Variants in MEIS2 observed in about 807,000 individuals in gnomAD.
MEIS2 encodes the protein homeobox protein Meis2.
A neutral mutation model predicts 58.6 loss-of-function variants in MEIS2; 9 were observed. The observed-to-expected ratio is 0.15, with a 90% confidence interval of 0.09 to 0.27. The LOEUF (loss-of-function observed/expected upper bound fraction) is 0.27, where lower values mean the gene tolerates loss of function less well. MEIS2 is among the 10% of genes least tolerant of loss of function. The pLI is 1.00. For synonymous variants in MEIS2, 221 were observed against 228.4 expected, an observed-to-expected ratio of 0.97 and a Z score of 0.29; for missense variants, 427 against 635.0, an observed-to-expected ratio of 0.67 and a Z score of 3.52.
chr15:36,919,404 C>A (rs2057403951), intron 9 of MEIS2, among the ~76,000 whole-genome samples: 1 of 151,964 alleles, frequency 6.6e-6, no homozygotes, highest in African/African-American at 2.4e-5. Context: ...CATGGAGAAA[C>A]CCTGTCTCTA....
At chr15:36,988,938 C>T (rs1408020409) in intron 8 of MEIS2, among the ~76,000 whole-genome samples, 1 of 152,030 alleles carries the variant, frequency 6.6e-6, no homozygotes, top group Non-Finnish European at 1.5e-5. Flanking sequence ...GAAAATCTTG[C>T]ATTAAGAAAT....
intron 7 of MEIS2, among the ~76,000 whole-genome samples, chr15:37,055,571 T>C (rs947241912): frequency 6.6e-6 from 1 of 152,118 alleles, no homozygotes; most frequent in African/African-American, 2.4e-5. Flanking sequence ...AGCAGTAAAA[T>C]TGATTCATCT....
intron 8 of MEIS2, among the ~76,000 whole-genome samples, chr15:37,012,877 G>T (rs183217767): frequency 5.3e-5 from 8 of 152,104 alleles, no homozygotes; most frequent in African/African-American, 1.9e-4. Flanking sequence ...TGGCACTTTA[G>T]GTATATATTA....
chr15:37,097,981 C>T lies in MEIS2; in HGVS notation c.231G>A (p.Lys77=), dbSNP rs1441809812. 1 of 1,603,706 alleles carries T rather than the reference C, an allele frequency of 6.2e-7. No individual in the cohort carries two copies. The highest frequency in any genetic ancestry group is 2.2e-5 in the East Asian group (1 of 44,698). ...GGTCAGTTTACCCATAGATCGCGTC[C>T]TTGTCCCGCTTCAAGGCGTCGTTGA... ...SAVNDALKRD[K]DAIYGHPLFP... is the part of the protein sequence containing the mutation. The change falls in exon 2 of 12, where the codon AAG becomes AAA. Residue 77 remains lysine, a synonymous_variant. Transcript: ENST00000561208.
intron 9 of MEIS2, among the ~76,000 whole-genome samples, chr15:36,946,175 A>G (rs956171913): frequency 1.3e-5 from 2 of 152,008 alleles, no homozygotes; most frequent in Non-Finnish European, 2.9e-5. Flanking sequence ...CCTCTATTTC[A>G]ATGATTACTG....
intron 8 of MEIS2, among the ~76,000 whole-genome samples, chr15:37,002,719 C>A (rs1387415088): frequency 2.0e-5 from 3 of 152,066 alleles, no homozygotes; most frequent in Non-Finnish European, 4.4e-5. Flanking sequence ...GTATATTTCA[C>A]ATCTTGGCCC....
intron 6 of MEIS2, among the ~76,000 whole-genome samples, chr15:37,085,999 C>T (rs957579040): frequency 3.3e-5 from 5 of 152,112 alleles, no homozygotes; most frequent in Admixed American, 1.3e-4. Context: ...TTTAGTCCTG[C>T]GACAACACAG....
chr15:36,999,678 G>A (rs2060652181), intron 8 of MEIS2, among the ~76,000 whole-genome samples: 1 of 152,148 alleles, frequency 6.6e-6, no homozygotes, highest in Non-Finnish European at 1.5e-5. Context: ...GCACTTTTCC[G>A]AAGGCAAACA....
At chr15:36,907,958 T>A (rs1305282636) in intron 9 of MEIS2, among the ~76,000 whole-genome samples, 1 of 152,098 alleles carries the variant, frequency 6.6e-6, no homozygotes, top group East Asian at 1.9e-4. Flanking sequence ...TAAACAATTT[T>A]AAAACTCACT....
intron 7 of MEIS2, among the ~76,000 whole-genome samples, chr15:37,052,812 C>T (rs886354527): frequency 1.3e-5 from 2 of 152,082 alleles, no homozygotes; most frequent in Admixed American, 6.5e-5. Context: ...CTTATTCTTC[C>T]GAAACTCATA....
intron 8 of MEIS2, among the ~76,000 whole-genome samples, chr15:36,978,207 TACA>T (rs901849538): frequency 1.3e-5 from 2 of 152,250 alleles, no homozygotes; most frequent in African/African-American, 2.4e-5. Flanking sequence ...CCTTGGCATT[TACA>T]ACAACAACAA....
At chr15:36,945,613 A>G (rs960645561) in intron 9 of MEIS2, among the ~76,000 whole-genome samples, 1 of 151,968 alleles carries the variant, frequency 6.6e-6, no homozygotes, top group East Asian at 1.9e-4. Context: ...AAATTCATCA[A>G]TGGGGCCAAA....
intron 8 of MEIS2, among the ~76,000 whole-genome samples, chr15:36,980,675 ATATAT>A (rs1403003464): frequency 9.2e-5 from 14 of 152,166 alleles, no homozygotes; most frequent in African/African-American, 2.9e-4. Context: ...TCCATAACTA[ATATAT>A]TATATCCTAC....
At chr15:36,953,201 T>C (rs1015621156) in intron 8 of MEIS2, among the ~76,000 whole-genome samples, 1 of 152,296 alleles carries the variant, frequency 6.6e-6, no homozygotes, top group Non-Finnish European at 1.5e-5. Flanking sequence ...AATTTACAAA[T>C]ATATGTATAC....
At chr15:37,079,251 AG>A (rs1249339362) in intron 7 of MEIS2, among the ~76,000 whole-genome samples, 2 of 152,114 alleles carry the variant, frequency 1.3e-5, no homozygotes, top group Admixed American at 1.3e-4. Context: ...GAGGACAGGA[AG>A]GAAAAAAAAT....
intron 9 of MEIS2, among the ~76,000 whole-genome samples, chr15:36,944,088 A>G (rs1372089937): frequency 1.3e-5 from 2 of 151,992 alleles, no homozygotes; most frequent in Non-Finnish European, 2.9e-5. Context: ...GAATTTCATG[A>G]ATCTGCTGCA....
intron 8 of MEIS2, among the ~76,000 whole-genome samples, chr15:37,022,059 T>C (rs1201923302): frequency 6.6e-6 from 1 of 152,098 alleles, no homozygotes; most frequent in Non-Finnish European, 1.5e-5. Flanking sequence ...ATAATAAATA[T>C]CTTTATACAT....
intron 9 of MEIS2, among the ~76,000 whole-genome samples, chr15:36,901,467 G>A (rs989054496): frequency 3.3e-5 from 5 of 152,102 alleles, no homozygotes; most frequent in Admixed American, 6.6e-5. Context: ...GAGTCATGTC[G>A]CAGACATAAG....
intron 8 of MEIS2, among the ~76,000 whole-genome samples, chr15:37,033,563 G>A (rs2062019733): frequency 6.6e-6 from 1 of 152,142 alleles, no homozygotes; most frequent in South Asian, 2.1e-4. Flanking sequence ...GACTAATAAT[G>A]GAGAAATGCA....
Sources: gnomAD v4.1 joint callset for allele counts (sites outside exome capture counted in the v4.1 genomes callset) on GRCh38, gnomAD v4.1.1 for gene constraint, MANE v1.5 for transcripts, NCBI Gene and HGNC (gene_info 2026-07-23, HGNC 2026-07-21) for gene names.